Variants in WNK3 observed in about 807,000 individuals in gnomAD.
WNK3 encodes WNK lysine deficient protein kinase 3.
In WNK3, 18 loss-of-function variants were observed where a neutral mutation model predicts 116.7. The observed-to-expected ratio is 0.15, with a 90% CI of 0.11 to 0.23. The LOEUF is 0.23. WNK3 is among the 10% of genes least tolerant of loss of function. The pLI, the probability that WNK3 is intolerant of heterozygous loss-of-function variation, is 1.00. For synonymous variants in WNK3, 404 were observed against 469.4 expected, an observed-to-expected ratio of 0.86 and a Z score of 1.80; for missense variants, 993 against 1,323.8, an observed-to-expected ratio of 0.75 and a Z score of 3.88.
At chrX:54,253,853 C>A in intron 13 of WNK3, 106 bp downstream of exon 13, 1 of 562,191 alleles carries the variant, frequency 1.8e-6, no homozygotes, top group South Asian at 4.0e-5. Flanking sequence ...AATTTTAAAA[C>A]TAATCGTACT....
chrX:54,248,573 C>G, intron 17 of WNK3, 124 bp downstream of exon 17: 1 of 584,506 alleles, frequency 1.7e-6, no homozygotes, highest in Non-Finnish European at 2.6e-6. Flanking sequence ...TCTTAAATAC[C>G]TGTGACCTCA....
intron 1 of WNK3, among the ~76,000 whole-genome samples, chrX:54,337,286 G>A (rs1486855201): frequency 1.8e-5 from 2 of 111,133 alleles, no homozygotes; most frequent in Admixed American, 2.0e-4. Flanking sequence ...CTTTGGCTGG[G>A]TGCGGTGGCT....
intron 2 of WNK3, among the ~76,000 whole-genome samples, chrX:54,331,500 A>G (rs2069171343): frequency 9.1e-6 from 1 of 110,272 alleles, no homozygotes; most frequent in Admixed American, 9.8e-5. Flanking sequence ...GCTTGCCTGC[A>G]TTATCTAATA....
At chrX:54,215,234 A>G (rs1557144816) in intron 22 of WNK3, among the ~76,000 whole-genome samples, 1 of 109,435 alleles carries the variant, frequency 9.1e-6, no homozygotes, top group African/African-American at 3.3e-5. Context: ...TCTCCCTCTG[A>G]TGCCCAGCCC....
chrX:54,343,366 G>A (rs2069357116), intron 1 of WNK3, among the ~76,000 whole-genome samples: 1 of 110,116 alleles, frequency 9.1e-6, no homozygotes, highest in African/African-American at 3.3e-5. Flanking sequence ...AATTAGCCGA[G>A]CATGGTGGCA....
chrX:54,268,228 A>G, intron 10 of WNK3, among the ~76,000 whole-genome samples: 1 of 110,273 alleles, frequency 9.1e-6, no homozygotes, highest in Non-Finnish European at 1.9e-5. Flanking sequence ...TTACCCACTA[A>G]AAGGAATAAG....
At chrX:54,227,931 C>T (rs2067860414) in intron 22 of WNK3, among the ~76,000 whole-genome samples, 1 of 111,345 alleles carries the variant, frequency 9.0e-6, no homozygotes, top group Non-Finnish European at 1.9e-5. Flanking sequence ...TTGCTTGTTG[C>T]CCAGGCTGGA....
intron 5 of WNK3, among the ~76,000 whole-genome samples, chrX:54,306,820 G>C (rs1279825847): frequency 9.0e-6 from 1 of 111,132 alleles, no homozygotes; most frequent in Non-Finnish European, 1.9e-5. Context: ...TAAGCAAGTG[G>C]GGTGACAGAT....
intron 1 of WNK3, among the ~76,000 whole-genome samples, chrX:54,335,681 AAAAC>A (rs1473260235): frequency 8.9e-6 from 1 of 112,536 alleles, no homozygotes; most frequent in Non-Finnish European, 1.9e-5. Flanking sequence ...AAAATAAAAT[AAAAC>A]AAACAAAATA....
chrX:54,199,429 A>G (rs1329084086), intron 23 of WNK3, among the ~76,000 whole-genome samples: 1 of 110,677 alleles, frequency 9.0e-6, no homozygotes, highest in African/African-American at 3.3e-5. Context: ...GCCAACATCT[A>G]CCCTTACCTC....
At chrX:54,207,844 A>T (rs2067571612) in intron 22 of WNK3, among the ~76,000 whole-genome samples, 1 of 110,774 alleles carries the variant, frequency 9.0e-6, no homozygotes, top group African/African-American at 3.3e-5. Context: ...GACCAACTCA[A>T]ATCCTATCTT....
chrX:54,354,266 A>T (rs2069561134), intron 1 of WNK3, among the ~76,000 whole-genome samples: 1 of 111,840 alleles, frequency 8.9e-6, no homozygotes. Context: ...AATGTCTTAT[A>T]GATGTCTTTC....
intron 7 of WNK3, 66 bp from the exon 8 acceptor site, chrX:54,294,913 T>C: frequency 9.9e-7 from 1 of 1,009,129 alleles, no homozygotes; most frequent in Non-Finnish European, 1.3e-6. Context: ...TTTTTTTTTT[T>C]TTGAGACAGA....
At chrX:54,201,182 A>C (rs782504232) in intron 23 of WNK3, among the ~76,000 whole-genome samples, 1 of 111,978 alleles carries the variant, frequency 8.9e-6, no homozygotes, top group Non-Finnish European at 1.9e-5. Context: ...ACAAAGTAGA[A>C]TAAGGCCCAA....
In WNK3 at chrX:54,206,961, G is replaced by A. The variant is rs371518867; in HGVS notation, c.4871-4768C>T. On this transcript the variant is annotated intron_variant, in intron 22 of 23. Transcript: ENST00000354646. The stretch of plus-strand genomic sequence containing the variant: ...GGAGAATTGCTTGAACCTGGGAGGC[G>A]GAGATTGCAGTGAGCCAAGATCCTG... Among the ~76,000 whole-genome samples the A allele has an allele frequency of 8.7e-4, 97 of 110,984 alleles. 1 individual carries two copies. The South Asian group carries it at 0.035, about 40-fold the overall frequency.
At chrX:54,302,759 T>A (rs2982681) in intron 5 of WNK3, among the ~76,000 whole-genome samples, 477 of 12,082 alleles carry the variant, frequency 0.039, 1 homozygote, top group African/African-American at 0.066. Flanking sequence ...ATATATATAT[T>A]TTTTTTTTTT....
chrX:54,248,692 C>A lies in WNK3; in HGVS notation c.3651+5G>T. 1 of 1,188,007 alleles carries A rather than the reference C, an allele frequency of 8.4e-7. No homozygotes were observed. Among genetic ancestry groups the A allele is most frequent in the Non-Finnish European group, 1.1e-6 (1 of 880,005 alleles). On this transcript the variant is annotated splice_donor_5th_base_variant and intron_variant, in intron 17 of 23. Coordinates refer to ENST00000354646, the Ensembl canonical transcript of WNK3. ...AAGGAATTGGTTAGAAAGAATGATA[C>A]TTACATGTAAACACAATTCGCTGGG...
intron 10 of WNK3, among the ~76,000 whole-genome samples, chrX:54,275,413 A>ATGTGTGTGTGTGTGTGTGTG (rs782746924): frequency 1.2e-4 from 7 of 58,360 alleles, no homozygotes; most frequent in African/African-American, 3.7e-4. Flanking sequence ...GTATAAGTTC[A>ATGTGTGTGTGTGTGTGTGTG]TATGTGTGTG....
intron 2 of WNK3, among the ~76,000 whole-genome samples, chrX:54,319,909 G>GAACA (rs1465730319): frequency 8.9e-6 from 1 of 111,949 alleles, no homozygotes; most frequent in Non-Finnish European, 1.9e-5. Flanking sequence ...ACAAACCAGA[G>GAACA]AACAGCACTA....
Sources: gnomAD v4.1 joint callset for allele counts (sites outside exome capture counted in the v4.1 genomes callset) on GRCh38, gnomAD v4.1.1 for gene constraint, MANE v1.5 for transcripts, NCBI Gene and HGNC (gene_info 2026-07-23, HGNC 2026-07-21) for gene names.